RASGRF2: variants seen among roughly 807,000 people sequenced by gnomAD.
RASGRF2 encodes ras-specific guanine nucleotide-releasing factor 2.
RASGRF2 carries 76 observed loss-of-function variants against 151.0 expected under a neutral mutation model. The ratio of observed to expected loss-of-function variants is 0.50; its 90% confidence interval spans 0.42 to 0.61. The LOEUF (loss-of-function observed/expected upper bound fraction) is 0.61. Among genes scored for constraint, RASGRF2 ranks in the 20% least tolerant of loss-of-function variants. The pLI is 0.00. For synonymous variants in RASGRF2, 504 were observed against 566.5 expected (o/e 0.89, Z 1.57); for missense variants, 1,148 against 1,564.6 (o/e 0.73, Z 4.49).
chr5:81,079,992 T>C, intron 5 of RASGRF2, 129 bp from the exon 6 acceptor site: 1 of 1,183,036 alleles, frequency 8.5e-7, no homozygotes, highest in Non-Finnish European at 1.1e-6. Flanking sequence ...CATGTTATTA[T>C]TGGGTATAGT....
intron 17 of RASGRF2, among the ~76,000 whole-genome samples, chr5:81,129,777 G>A (rs965632074): frequency 2.0e-5 from 3 of 152,128 alleles, no homozygotes; most frequent in African/African-American, 7.2e-5. Flanking sequence ...CCTGTCTTCC[G>A]TTCTCACTCG....
intron 1 of RASGRF2, among the ~76,000 whole-genome samples, chr5:80,964,397 C>T (rs1747660182): frequency 6.6e-6 from 1 of 152,012 alleles, no homozygotes; most frequent in Non-Finnish European, 1.5e-5. Context: ...TAGCAAGTAC[C>T]TTCTACATGG....
At chr5:81,022,036 A>G (rs1749846435) in intron 1 of RASGRF2, among the ~76,000 whole-genome samples, 1 of 152,166 alleles carries the variant, frequency 6.6e-6, no homozygotes, top group Non-Finnish European at 1.5e-5. Flanking sequence ...TCTGAAAAAC[A>G]CCTTAAACGA....
At chr5:81,114,687 G>A (rs1302062131) in intron 15 of RASGRF2, 1 of 152,352 alleles carries the variant, frequency 6.6e-6, no homozygotes, top group Non-Finnish European at 1.5e-5. Context: ...CTGTTACATT[G>A]ATTTCCTTTT....
intron 17 of RASGRF2, among the ~76,000 whole-genome samples, chr5:81,156,548 A>G (rs1754264134): frequency 6.6e-6 from 1 of 152,240 alleles, no homozygotes. Flanking sequence ...GTTTAATATC[A>G]GTCAATTAAT....
intron 17 of RASGRF2, among the ~76,000 whole-genome samples, chr5:81,163,778 C>T (rs963144804): frequency 9.2e-5 from 14 of 152,214 alleles, no homozygotes; most frequent in South Asian, 6.2e-4. Flanking sequence ...CTGGCCACTA[C>T]GCTGGGAGGC....
chr5:81,220,696 C>G (rs1284094412), intron 26 of RASGRF2, among the ~76,000 whole-genome samples: 1 of 152,180 alleles, frequency 6.6e-6, no homozygotes, highest in Non-Finnish European at 1.5e-5. Context: ...TCTTGAACTC[C>G]TGACCTCATG....
At chr5:81,054,163 C>G (rs1751119651) in intron 2 of RASGRF2, among the ~76,000 whole-genome samples, 2 of 152,214 alleles carry the variant, frequency 1.3e-5, no homozygotes, top group Admixed American at 1.3e-4. Flanking sequence ...GCTTTTGTTG[C>G]CATTGCTTTT....
At chr5:81,175,283 G>A (rs572745282) in intron 17 of RASGRF2, among the ~76,000 whole-genome samples, 1 of 152,242 alleles carries the variant, frequency 6.6e-6, no homozygotes, top group East Asian at 1.9e-4. Context: ...TGGTTGTGAG[G>A]GTTAAGTTAT....
chr5:81,085,935 G>A, intron 8 of RASGRF2, 24 bp downstream of exon 8: 2 of 1,613,788 alleles, frequency 1.2e-6, no homozygotes. Context: ...TTATAACAAA[G>A]GCTTGGGAGA....
chr5:81,125,827 C>G (rs1436404037), intron 16 of RASGRF2, among the ~76,000 whole-genome samples: 2 of 152,198 alleles, frequency 1.3e-5, no homozygotes, highest in Admixed American at 6.5e-5. Flanking sequence ...ATAACTAAAT[C>G]ATAGAGACAT....
chr5:81,150,960 AC>A (rs1374330277), intron 17 of RASGRF2, among the ~76,000 whole-genome samples: 1 of 152,254 alleles, frequency 6.6e-6, no homozygotes, highest in African/African-American at 2.4e-5. Context: ...TATGACCTGC[AC>A]TGGGACTGTT....
At chr5:81,191,533 A>C (rs530712323) in intron 18 of RASGRF2, among the ~76,000 whole-genome samples, 7 of 152,298 alleles carry the variant, frequency 4.6e-5, no homozygotes, top group African/African-American at 1.7e-4. Context: ...TTACTTAAGA[A>C]AGTTAAATAC....
chr5:80,987,654 A>G (rs974176820), intron 1 of RASGRF2, among the ~76,000 whole-genome samples: 1 of 152,208 alleles, frequency 6.6e-6, no homozygotes, highest in African/African-American at 2.4e-5. Context: ...GCTCTGGAAC[A>G]CTGGGGAAAG....
intron 2 of RASGRF2, among the ~76,000 whole-genome samples, chr5:81,054,229 G>C (rs1196572737): frequency 6.6e-6 from 1 of 152,234 alleles, no homozygotes; most frequent in Non-Finnish European, 1.5e-5. Flanking sequence ...GTATTGCTTA[G>C]GTTTTCTTCT....
rs546984445 is a variant in RASGRF2 at position 81,073,569 on chromosome 5, T to C, written c.887+117T>C. On this transcript the variant is annotated intron_variant, in intron 5 of 26. Coordinates refer to ENST00000265080, the MANE Select transcript of RASGRF2 (RefSeq NM_006909.3). ...ATTCATCTCTATTAGTTTATGATAG[T>C]AAAAATAAGAAAGCTATTACTTGTG... 35 of 1,082,242 alleles carry C rather than the reference T, an allele frequency of 3.2e-5. No individual in the cohort carries two copies. In the South Asian group the frequency reaches 7.9e-4, roughly 24 times the overall value. 67.0% of individuals were successfully genotyped at this position (1,082,242 alleles called of 1,614,324 possible).
At chr5:81,211,470 T>C (rs1029585579) in intron 22 of RASGRF2, among the ~76,000 whole-genome samples, 5 of 152,198 alleles carry the variant, frequency 3.3e-5, no homozygotes, top group African/African-American at 9.7e-5. Context: ...ACAAAACCAC[T>C]TCTTCCCAGG....
intron 15 of RASGRF2, among the ~76,000 whole-genome samples, chr5:81,121,494 C>G (rs1753306093): frequency 6.6e-6 from 1 of 152,078 alleles, no homozygotes; most frequent in South Asian, 2.1e-4. Flanking sequence ...GCCAGCCTTG[C>G]AAAATTTTCT....
At chr5:80,962,388 CA>C (rs147181489) in intron 1 of RASGRF2, among the ~76,000 whole-genome samples, 3,388 of 152,012 alleles carry the variant, frequency 0.022, 93 homozygotes, top group South Asian at 0.074. Context: ...TTTGAGGAAA[CA>C]TTTTTTTTCA....
Sources: allele counts gnomAD v4.1 joint callset (sites outside exome capture counted in the v4.1 genomes callset), GRCh38; gene constraint gnomAD v4.1.1; transcripts MANE v1.5; gene names NCBI Gene and HGNC (gene_info 2026-07-23, HGNC 2026-07-21).